The following PAK5 variants were observed in gnomAD, a reference collection of about 807,000 sequenced individuals.
The protein encoded by PAK5 is serine/threonine-protein kinase PAK 5.
A neutral mutation model predicts 65.9 loss-of-function variants in PAK5; 16 were observed. That is an observed-to-expected ratio of 0.24 (90% CI 0.16 to 0.37). PAK5 has a LOEUF of 0.37. PAK5 is among the 10% of genes least tolerant of loss of function. PAK5 has a pLI of 1.00. For synonymous variants in PAK5, 371 were observed against 354.9 expected, an observed-to-expected ratio of 1.05 and a Z score of -0.51; for missense variants, 785 against 903.9, an observed-to-expected ratio of 0.87 and a Z score of 1.69.
At chr20:9,745,303 A>G (rs1472658576) in intron 1 of PAK5, among the ~76,000 whole-genome samples, 1 of 144,446 alleles carries the variant, frequency 6.9e-6, no homozygotes. Context: ...GAGTGACACC[A>G]CATCAAAAAG....
intron 2 of PAK5, among the ~76,000 whole-genome samples, chr20:9,670,729 T>C (rs2047485174): frequency 6.6e-6 from 1 of 152,226 alleles, no homozygotes; most frequent in South Asian, 2.1e-4. Context: ...AGGTTGCCTG[T>C]TCACTCTGAT....
At chr20:9,761,486 CATCAAAATTCT>C (rs2048699312) in intron 1 of PAK5, among the ~76,000 whole-genome samples, 2 of 152,064 alleles carry the variant, frequency 1.3e-5, no homozygotes, top group Non-Finnish European at 2.9e-5. Flanking sequence ...CAAAATTTTG[CATCAAAATTCT>C]ATCAAAATTC....
At chr20:9,554,468 GACTT>G (rs536176413) in intron 7 of PAK5, among the ~76,000 whole-genome samples, 325 of 152,310 alleles carry the variant, frequency 2.1e-3, no homozygotes, top group Middle Eastern at 3.4e-3. Flanking sequence ...GAGTGAGGAT[GACTT>G]CCAGATAACT....
At chr20:9,807,805 C>T (rs930285619) in intron 1 of PAK5, among the ~76,000 whole-genome samples, 1 of 107,290 alleles carries the variant, frequency 9.3e-6, no homozygotes, top group African/African-American at 3.4e-5. Context: ...CAGTGCAACC[C>T]TGCCTTCTAG....
intron 3 of PAK5, among the ~76,000 whole-genome samples, chr20:9,582,355 C>T (rs76029687): frequency 1.3e-4 from 20 of 152,082 alleles, no homozygotes; most frequent in Non-Finnish European, 2.5e-4. Flanking sequence ...TTGAGGAGTA[C>T]TGGTGAGGTA....
chr20:9,601,911 A>G lies in PAK5; in HGVS notation c.205-20981T>C, dbSNP rs188201883. On this transcript the variant is annotated intron_variant, in intron 3 of 9. Transcript: ENST00000353224. ...CAAAGCAGAGTAACCCTACCAGCCT[A>G]AGACCCATGAGCAAGAAAAAGAAAT... Among the ~76,000 whole-genome samples, 60 of 152,338 alleles carry G rather than the reference A, an allele frequency of 3.9e-4. 2 individuals carry two copies. The highest frequency in any genetic ancestry group is 1.4e-3 in the African/African-American group (59 of 41,588).
intron 3 of PAK5, among the ~76,000 whole-genome samples, chr20:9,610,162 A>G (rs2046531827): frequency 6.6e-6 from 1 of 152,202 alleles, no homozygotes; most frequent in Non-Finnish European, 1.5e-5. Context: ...TCACACCGCC[A>G]TACGCAAAGC....
chr20:9,794,257 T>C lies in PAK5; in HGVS notation c.-162+44505A>G, dbSNP rs112494430. Among the ~76,000 whole-genome samples the C allele has an allele frequency of 3.7e-3, 556 of 152,112 alleles. 5 individuals carry two copies. Among genetic ancestry groups the C allele is most frequent in the Middle Eastern group, 0.017 (5 of 294 alleles). On this transcript the variant is annotated intron_variant, in intron 1 of 9. Transcript: ENST00000353224. ...GCTTAAAACCTAGATGACAGGTTGA[T>C]AGGTACAGCAAACCACTATGGCACA...
chr20:9,752,158 G>A (rs2048584483), intron 1 of PAK5, among the ~76,000 whole-genome samples: 1 of 152,204 alleles, frequency 6.6e-6, no homozygotes, highest in Non-Finnish European at 1.5e-5. Flanking sequence ...GTGGTTGTAT[G>A]AAAAGAAATA....
At chr20:9,781,245 T>C (rs917297121) in intron 1 of PAK5, among the ~76,000 whole-genome samples, 1 of 152,138 alleles carries the variant, frequency 6.6e-6, no homozygotes, top group Non-Finnish European at 1.5e-5. Context: ...TGCATAATTG[T>C]TCATGAATTT....
chr20:9,775,342 G>A (rs574962597), intron 1 of PAK5, among the ~76,000 whole-genome samples: 3 of 152,006 alleles, frequency 2.0e-5, no homozygotes, highest in Admixed American at 1.3e-4. Flanking sequence ...TAAATTCTTC[G>A]CTCAGTTTCT....
intron 1 of PAK5, among the ~76,000 whole-genome samples, chr20:9,779,674 G>T (rs764859948): frequency 3.3e-5 from 5 of 151,762 alleles, no homozygotes; most frequent in Admixed American, 6.6e-5. Flanking sequence ...TTCTAATTAT[G>T]TTTATACTAT....
chr20:9,773,777 A>T (rs767069395), intron 1 of PAK5, among the ~76,000 whole-genome samples: 4 of 152,166 alleles, frequency 2.6e-5, no homozygotes, highest in Non-Finnish European at 5.9e-5. Flanking sequence ...TCACAACAAC[A>T]CTACAAGGTT....
intron 3 of PAK5, among the ~76,000 whole-genome samples, chr20:9,615,095 A>G: frequency 6.6e-6 from 1 of 152,248 alleles, no homozygotes; most frequent in Non-Finnish European, 1.5e-5. Flanking sequence ...TATGTAATAT[A>G]TAATTCCAAC....
intron 1 of PAK5, among the ~76,000 whole-genome samples, chr20:9,790,854 T>C (rs1366052515): frequency 6.6e-6 from 1 of 152,088 alleles, no homozygotes; most frequent in African/African-American, 2.4e-5. Context: ...AGGGGAAAGG[T>C]ACTAGGCATT....
At chr20:9,774,556 C>A (rs1048316196) in intron 1 of PAK5, among the ~76,000 whole-genome samples, 1 of 152,092 alleles carries the variant, frequency 6.6e-6, no homozygotes, top group Non-Finnish European at 1.5e-5. Context: ...CAGGATTATT[C>A]ATGGCAGCTT....
intron 3 of PAK5, among the ~76,000 whole-genome samples, chr20:9,642,682 A>G (rs932728152): frequency 1.3e-5 from 2 of 152,242 alleles, no homozygotes; most frequent in African/African-American, 4.8e-5. Flanking sequence ...TATGTTCAAT[A>G]GTAGGATATT....
chr20:9,710,728 A>C (rs2048068085), intron 2 of PAK5, among the ~76,000 whole-genome samples: 1 of 152,186 alleles, frequency 6.6e-6, no homozygotes, highest in South Asian at 2.1e-4. Context: ...TGACTTTCCA[A>C]TAACTTCCAT....
chr20:9,643,295 G>A (rs999714979), intron 3 of PAK5, among the ~76,000 whole-genome samples: 5 of 152,106 alleles, frequency 3.3e-5, no homozygotes, highest in Admixed American at 3.3e-4. Flanking sequence ...GAACTTTTGG[G>A]CAATTGCCTG....
Sources: allele counts gnomAD v4.1 joint callset (sites outside exome capture counted in the v4.1 genomes callset), GRCh38; gene constraint gnomAD v4.1.1; transcripts MANE v1.5; gene names NCBI Gene and HGNC (gene_info 2026-07-23, HGNC 2026-07-21).